Variants in ATP6V0A1 observed in about 807,000 individuals in gnomAD.
ATP6V0A1 encodes V-type proton ATPase 116 kDa subunit a 1.
In ATP6V0A1, 43 loss-of-function variants were observed where a neutral mutation model predicts 105.4. The ratio of observed to expected loss-of-function variants is 0.41; its 90% CI spans 0.32 to 0.53. The LOEUF (loss-of-function observed/expected upper bound fraction) is 0.53. Ranked by LOEUF, ATP6V0A1 falls within the 20% of genes least tolerant of loss-of-function variation. ATP6V0A1 has a pLI of 0.30. For missense variants in ATP6V0A1, 676 were observed against 1,051.1 expected (o/e 0.64, Z 4.93); for synonymous variants, 362 against 372.8 (o/e 0.97, Z 0.33).
intron 21 of ATP6V0A1, 45 bp downstream of exon 21, chr17:42,514,505 T>G (rs747181481): frequency 6.6e-7 from 1 of 1,508,754 alleles, no homozygotes; most frequent in South Asian, 1.3e-5. Context: ...GGATGTGTCC[T>G]TAGCTGCGGT....
rs1241960250 is a variant in ATP6V0A1 at position 42,478,532 on chromosome 17, G to A, written c.576G>A (p.Arg192=). Residue 192 remains arginine (R), a synonymous_variant, in exon 7 of 22, where the codon CGG becomes CGA. Coordinates refer to ENST00000343619, the MANE Select transcript of ATP6V0A1 (RefSeq NM_001130021.3). ...AGCGCATGCTTTGGCGGGTATGCCG[G>A]GGAAATGTGTTCCTGCGACAGGCTG... ...TFERMLWRVC[R]GNVFLRQAEI... 2 of 1,610,254 alleles carry A rather than the reference G, an allele frequency of 1.2e-6. No individual in the cohort carries two copies. The highest frequency in any genetic ancestry group is 1.1e-5 in the South Asian group (1 of 90,752).
chr17:42,495,185 G>A lies in ATP6V0A1; in HGVS notation c.1466G>A (p.Trp489Ter). Reference sequence around the variant, plus strand: ...GTACGGCCGATGTTTACTTATAATTGGACGTAAGTTGCAGAAGAAGCTAAA... The same window carrying A: ...GTACGGCCGATGTTTACTTATAATTAGACGTAAGTTGCAGAAGAAGCTAAA... ...WSVRPMFTYNWTEETLRGNPV... is the reference protein window; with the variant it reads ...WSVRPMFTYN Residue 489 changes from tryptophan (W) to a stop codon, truncating the protein, a stop_gained, in exon 13 of 22, where the codon TGG (tryptophan) becomes TAG (stop). Transcript: ENST00000343619. LOFTEE classifies it high-confidence loss of function. 1 of 1,613,298 alleles carries A rather than the reference G, an allele frequency of 6.2e-7. No homozygotes were observed. The highest frequency in any genetic ancestry group is 8.5e-7 in the Non-Finnish European group (1 of 1,179,520).
intron 10 of ATP6V0A1, among the ~76,000 whole-genome samples, chr17:42,488,024 T>C (rs1320762719): frequency 7.9e-5 from 12 of 152,208 alleles, no homozygotes; most frequent in Admixed American, 7.9e-4. Context: ...TATGACTGTT[T>C]CTGTTTAGTA....
At chr17:42,468,172 G>T in intron 4 of ATP6V0A1, 65 bp downstream of exon 4, 1 of 1,121,874 alleles carries the variant, frequency 8.9e-7, no homozygotes. Flanking sequence ...ACTTTCCTGA[G>T]CAGATAGAGA....
At chr17:42,501,337 ACTTTT>A (rs2091651023) in intron 17 of ATP6V0A1, 33 bp downstream of exon 17, 1 of 1,530,834 alleles carries the variant, frequency 6.5e-7, no homozygotes, top group Non-Finnish European at 9.0e-7. Flanking sequence ...AAGTTACTAG[ACTTTT>A]GTTTTGTTCA....
chr17:42,480,526 G>A (rs1283393628), intron 7 of ATP6V0A1, 141 bp from the exon 8 acceptor site: 2 of 627,560 alleles, frequency 3.2e-6, no homozygotes, highest in African/African-American at 1.9e-5. Flanking sequence ...GAAATGGAGT[G>A]AGGGCAGTGG....
intron 5 of ATP6V0A1, among the ~76,000 whole-genome samples, chr17:42,474,378 G>A (rs946270110): frequency 2.6e-5 from 4 of 151,774 alleles, no homozygotes; most frequent in African/African-American, 9.7e-5. Flanking sequence ...CCGTGGCTAT[G>A]AGAGGTTCTT....
At chr17:42,486,495 G>GT (rs2090127899) in intron 9 of ATP6V0A1, among the ~76,000 whole-genome samples, 1 of 152,182 alleles carries the variant, frequency 6.6e-6, no homozygotes, top group Admixed American at 6.5e-5. Context: ...TCTTGGCACT[G>GT]TAATTCCTCT....
chr17:42,517,195 G>C (rs1292417932), intron 21 of ATP6V0A1, among the ~76,000 whole-genome samples: 1 of 152,124 alleles, frequency 6.6e-6, no homozygotes, highest in Non-Finnish European at 1.5e-5. Flanking sequence ...CAAGAGAATC[G>C]CTTGAACCCA....
chr17:42,478,192 C>G (rs2089000375), intron 6 of ATP6V0A1, among the ~76,000 whole-genome samples: 1 of 127,512 alleles, frequency 7.8e-6, no homozygotes, highest in Admixed American at 9.8e-5. Flanking sequence ...AGGGGAACAT[C>G]ACACACCGGG....
chr17:42,481,124 T>C (rs960438493), intron 8 of ATP6V0A1, among the ~76,000 whole-genome samples: 2 of 152,124 alleles, frequency 1.3e-5, no homozygotes, highest in Non-Finnish European at 2.9e-5. Flanking sequence ...GGTTTTGCCA[T>C]GTTGCCCAGG....
At chr17:42,505,036 CTTT>C (rs1195871876) in intron 17 of ATP6V0A1, among the ~76,000 whole-genome samples, 1 of 140,812 alleles carries the variant, frequency 7.1e-6, no homozygotes. Flanking sequence ...GTGATAATCA[CTTT>C]TTTTTTTTTT....
At chr17:42,476,323 TCCCCC>T (rs2088735513) in intron 5 of ATP6V0A1, among the ~76,000 whole-genome samples, 1 of 152,202 alleles carries the variant, frequency 6.6e-6, no homozygotes, top group African/African-American at 2.4e-5. Context: ...ACACAGTTTT[TCCCCC>T]TTTTTGCTAT....
chr17:42,520,933 T>G, intron 21 of ATP6V0A1, 94 bp from the exon 22 acceptor site: 1 of 1,114,962 alleles, frequency 9.0e-7, no homozygotes, highest in Non-Finnish European at 1.3e-6. Context: ...CGGGGTGAGG[T>G]GGGCACGGGG....
intron 14 of ATP6V0A1, among the ~76,000 whole-genome samples, chr17:42,498,570 G>C (rs112191676): frequency 5.3e-5 from 8 of 152,304 alleles, no homozygotes; most frequent in African/African-American, 1.9e-4. Flanking sequence ...GCTCACGCCT[G>C]TAATCCCAGC....
At chr17:42,519,856 T>G (rs2092767530) in intron 21 of ATP6V0A1, 1 of 152,304 alleles carries the variant, frequency 6.6e-6, no homozygotes. Context: ...TCGGTTGCGC[T>G]CTTCTTCAAG....
rs906713175 is a variant in ATP6V0A1, at chr17:42,521,190, C to T, written c.*70C>T. ...CTCCACAGTGATCAGCTGTGCCTCTCTGCCTGTTGGTTGTGATCTGTGGGC... is the reference window on the plus strand; with the variant it reads ...CTCCACAGTGATCAGCTGTGCCTCTTTGCCTGTTGGTTGTGATCTGTGGGC... On this transcript the variant is annotated 3_prime_UTR_variant, in exon 22 of 22. Coordinates refer to ENST00000343619, the MANE Select transcript of ATP6V0A1 (RefSeq NM_001130021.3). The surrounding 1 kb of genome is among the most constrained non-coding windows in gnomAD (Gnocchi z 4.8). 1.5e-6 allele frequency: 2 copies of T among 1,377,768 alleles called. No individual in the cohort carries two copies. Among genetic ancestry groups the T allele is most frequent in the Non-Finnish European group, 9.9e-7 (1 of 1,008,686 alleles). 85.3% of individuals were successfully genotyped at this position (1,377,768 alleles called of 1,614,324 possible). A position where few individuals can be genotyped will look rare whatever the true frequency, so the allele number is the denominator to read the frequency against.
chr17:42,495,491 C>T (rs2091068247), intron 13 of ATP6V0A1, 135 bp from the exon 14 acceptor site: 2 of 722,144 alleles, frequency 2.8e-6, no homozygotes, highest in East Asian at 5.4e-5. Context: ...GCTAGTCTCT[C>T]CTCTTTATTT....
At chr17:42,486,076 C>T (rs1406732090) in intron 9 of ATP6V0A1, among the ~76,000 whole-genome samples, 2 of 152,142 alleles carry the variant, frequency 1.3e-5, no homozygotes, top group South Asian at 2.1e-4. Flanking sequence ...TGCCTAATTT[C>T]TTCCAGTTGG....
Sources: gnomAD v4.1 joint callset for allele counts (sites outside exome capture counted in the v4.1 genomes callset) on GRCh38, gnomAD v4.1.1 for gene constraint, Gnocchi (gnomAD v3.1) non-coding constraint, MANE v1.5 for transcripts, NCBI Gene and HGNC (gene_info 2026-07-23, HGNC 2026-07-21) for gene names.